Variants in LCOR observed in about 807,000 individuals in gnomAD.
LCOR encodes the protein ligand dependent nuclear receptor corepressor.
In LCOR, 14 loss-of-function variants were observed where a neutral mutation model predicts 64.4. That is an observed-to-expected ratio of 0.22 (90% CI 0.14 to 0.34). The LOEUF is 0.34. Ranked by LOEUF, LCOR falls within the 10% of genes least tolerant of loss-of-function variation. The probability of loss-of-function intolerance (pLI) is 1.00; values close to 1 mark genes in which losing one functional copy is unlikely to be tolerated. For missense variants in LCOR, 1,686 were observed against 1,765.3 expected (o/e 0.96, Z 0.80); for synonymous variants, 643 against 642.5 (o/e 1.00, Z -0.01).
chr10:96,914,866 G>A (rs1417726261), intron 4 of LCOR, among the ~76,000 whole-genome samples: 2 of 138,658 alleles, frequency 1.4e-5, no homozygotes, highest in Non-Finnish European at 2.9e-5. Context: ...CCATCTCAGT[G>A]CATCACTGGG....
At chr10:96,884,747 A>G (rs145356307) in intron 2 of LCOR, among the ~76,000 whole-genome samples, 1 of 152,310 alleles carries the variant, frequency 6.6e-6, no homozygotes, top group East Asian at 1.9e-4. Flanking sequence ...CTAGGGTCTT[A>G]GCCTTTATGC....
At chr10:96,963,750 G>C (rs952067948) in intron 7 of LCOR, 1 of 152,066 alleles carries the variant, frequency 6.6e-6, no homozygotes. Flanking sequence ...CTTTAAAATT[G>C]CTTTTGTTTT....
At chr10:96,862,935 T>C (rs1845911586) in intron 2 of LCOR, among the ~76,000 whole-genome samples, 1 of 151,330 alleles carries the variant, frequency 6.6e-6, no homozygotes, top group Non-Finnish European at 1.5e-5. Flanking sequence ...GGCTGGAGTG[T>C]AGTGGCATGA....
chr10:96,893,134 A>G (rs767179861), intron 2 of LCOR, among the ~76,000 whole-genome samples: 1 of 152,154 alleles, frequency 6.6e-6, no homozygotes, highest in Non-Finnish European at 1.5e-5. Flanking sequence ...CTTCATTTGT[A>G]GCAGTCTATT....
chr10:96,970,204 C>T (rs1847986809), intron 7 of LCOR, among the ~76,000 whole-genome samples: 1 of 151,616 alleles, frequency 6.6e-6, no homozygotes, highest in African/African-American at 2.4e-5. Flanking sequence ...TTGAGACCAC[C>T]CTGGGCAACA....
chr10:96,880,332 T>G (rs1484301343), intron 2 of LCOR, among the ~76,000 whole-genome samples: 1 of 152,196 alleles, frequency 6.6e-6, no homozygotes, highest in Admixed American at 6.5e-5. Context: ...AATGGTGGCC[T>G]TCTAGCATTG....
intron 4 of LCOR, among the ~76,000 whole-genome samples, chr10:96,936,047 A>C (rs1847345497): frequency 6.6e-6 from 1 of 152,256 alleles, no homozygotes; most frequent in Non-Finnish European, 1.5e-5. Context: ...CCCGAGCCAC[A>C]GTAGGCTCTG....
chr10:96,862,603 T>A (rs1362840604), intron 2 of LCOR, among the ~76,000 whole-genome samples: 1 of 152,106 alleles, frequency 6.6e-6, no homozygotes, highest in Non-Finnish European at 1.5e-5. Flanking sequence ...CCATTGGTGA[T>A]CAACTTAACC....
intron 4 of LCOR, among the ~76,000 whole-genome samples, chr10:96,918,419 G>A (rs1158097185): frequency 1.3e-5 from 2 of 152,162 alleles, no homozygotes; most frequent in East Asian, 1.9e-4. Flanking sequence ...AAGTCTGACA[G>A]CATTGATGAA....
At chr10:96,863,092 A>G (rs995313924) in intron 2 of LCOR, among the ~76,000 whole-genome samples, 3 of 151,700 alleles carry the variant, frequency 2.0e-5, no homozygotes, top group Admixed American at 6.6e-5. Flanking sequence ...CATGTTGGCC[A>G]GGCTGGTCTC....
chr10:96,974,143 G>A (rs1170500485), intron 7 of LCOR, among the ~76,000 whole-genome samples: 2 of 152,160 alleles, frequency 1.3e-5, no homozygotes, highest in African/African-American at 2.4e-5. Context: ...CTTTTAAAGG[G>A]TTTATGAATA....
chr10:96,853,195 G>A (rs192207657), intron 2 of LCOR, among the ~76,000 whole-genome samples: 140 of 152,174 alleles, frequency 9.2e-4, no homozygotes, highest in Middle Eastern at 6.8e-3. Context: ...GGGATTATGG[G>A]CACGTGCCAC....
At chr10:96,893,408 A>G (rs1350068560) in intron 2 of LCOR, among the ~76,000 whole-genome samples, 7 of 152,228 alleles carry the variant, frequency 4.6e-5, no homozygotes, top group East Asian at 1.9e-4. Context: ...ATAATTTACA[A>G]ATACTTGTCT....
At chr10:96,957,050 C>G (rs1450424553) in intron 7 of LCOR, 1 of 985,114 alleles carries the variant, frequency 1.0e-6, no homozygotes, top group Non-Finnish European at 1.2e-6. Flanking sequence ...CCCAAGGTAA[C>G]CCGATATGAT....
chr10:96,932,138 C>A (rs975113924), intron 4 of LCOR, among the ~76,000 whole-genome samples: 2 of 152,034 alleles, frequency 1.3e-5, no homozygotes, highest in South Asian at 4.1e-4. Context: ...GATTTTCCTT[C>A]CTAAATGCTA....
intron 4 of LCOR, among the ~76,000 whole-genome samples, chr10:96,908,972 C>T (rs1340371577): frequency 1.3e-5 from 2 of 152,178 alleles, no homozygotes; most frequent in Non-Finnish European, 1.5e-5. Context: ...GCCTCGGCCT[C>T]CCAAAGTGCT....
intron 2 of LCOR, among the ~76,000 whole-genome samples, chr10:96,847,446 A>G (rs1301920099): frequency 6.7e-6 from 1 of 149,568 alleles, no homozygotes; most frequent in African/African-American, 2.5e-5. Flanking sequence ...TTACTTATTT[A>G]TTTATTTTTT....
In LCOR at chr10:96,832,340, A is replaced by C; in HGVS notation, c.-463A>C. On this transcript the variant is annotated 5_prime_UTR_variant, in exon 1 of 8. The change abolishes the stop of an existing upstream ORF in the 5' untranslated region. Coordinates refer to ENST00000421806, the MANE Select transcript of LCOR (RefSeq NM_001346516.2). ...TGTAGGCGGCAGCAATGCTCCGTTG[A>C]GAGACGCGGCTTTCGGCAAGAACTG... is the stretch of plus-strand genomic sequence containing the variant. 1.0e-6 allele frequency: 1 copy of C among 984,632 alleles called. No individual in the cohort carries two copies. The highest frequency in any genetic ancestry group is 1.2e-6 in the Non-Finnish European group (1 of 829,640). The allele number at this position is 984,632 out of a possible 1,614,324, so 61.0% of individuals were successfully genotyped here.
At chr10:96,836,111 C>G (rs989607841) in intron 2 of LCOR, among the ~76,000 whole-genome samples, 10 of 152,218 alleles carry the variant, frequency 6.6e-5, no homozygotes, top group Non-Finnish European at 1.3e-4. Context: ...GCAGATGAGT[C>G]TCTTTGACTT....
Sources: gnomAD v4.1 joint callset for allele counts (sites outside exome capture counted in the v4.1 genomes callset) on GRCh38, gnomAD v4.1.1 for gene constraint, MANE v1.5 for transcripts, NCBI Gene and HGNC (gene_info 2026-07-23, HGNC 2026-07-21) for gene names.